The following KCNIP4 variants were observed in gnomAD, a reference collection of about 807,000 sequenced individuals.
KCNIP4 encodes the protein potassium voltage-gated channel interacting protein 4.
KCNIP4 carries 12 observed loss-of-function variants against 34.0 expected under a neutral mutation model. The observed-to-expected ratio is 0.35, with a 90% CI of 0.23 to 0.57. The LOEUF (loss-of-function observed/expected upper bound fraction) is 0.57, where lower values mean the gene tolerates loss of function less well. Among genes scored for constraint, KCNIP4 ranks in the 20% least tolerant of loss-of-function variants. KCNIP4 has a pLI of 0.83. For synonymous variants in KCNIP4, 124 were observed against 102.2 expected (o/e 1.21, Z -1.29); for missense variants, 238 against 311.7 (o/e 0.76, Z 1.78).
intron 1 of KCNIP4, among the ~76,000 whole-genome samples, chr4:21,237,524 G>A (rs909237224): frequency 1.3e-4 from 19 of 151,924 alleles, no homozygotes; most frequent in African/African-American, 4.4e-4. Context: ...TCAAATACAC[G>A]CAATAAAAAA....
At chr4:21,612,589 C>T (rs997180379) in intron 1 of KCNIP4, among the ~76,000 whole-genome samples, 6 of 152,234 alleles carry the variant, frequency 3.9e-5, no homozygotes, top group African/African-American at 1.4e-4. Flanking sequence ...AACAATTAAG[C>T]CACATTGGCA....
chr4:21,711,833 G>A (rs1039465328), intron 1 of KCNIP4, among the ~76,000 whole-genome samples: 2 of 152,188 alleles, frequency 1.3e-5, no homozygotes, highest in Admixed American at 1.3e-4. Context: ...GCACCAGGAT[G>A]AGAAATTCTC....
chr4:21,624,317 G>GT (rs1443532944), intron 1 of KCNIP4, among the ~76,000 whole-genome samples: 2 of 152,110 alleles, frequency 1.3e-5, no homozygotes, highest in Admixed American at 6.6e-5. Flanking sequence ...TGTAACTATT[G>GT]TTTTTTCCAT....
chr4:21,677,804 C>T (rs539410299), intron 1 of KCNIP4, among the ~76,000 whole-genome samples: 2 of 152,322 alleles, frequency 1.3e-5, no homozygotes, highest in South Asian at 2.1e-4. Context: ...GGCTGGAGTG[C>T]AGCGGCACGA....
chr4:21,407,414 T>C (rs955265590), intron 1 of KCNIP4, among the ~76,000 whole-genome samples: 3 of 152,186 alleles, frequency 2.0e-5, no homozygotes, highest in Non-Finnish European at 4.4e-5. Flanking sequence ...TTGCTAGTCT[T>C]TTCCAAGGGA....
chr4:21,804,447 G>A (rs1362586349), intron 1 of KCNIP4, among the ~76,000 whole-genome samples: 2 of 152,166 alleles, frequency 1.3e-5, no homozygotes, highest in Non-Finnish European at 2.9e-5. Flanking sequence ...AGCCAGCTCA[G>A]TTGACCACAG....
intron 1 of KCNIP4, among the ~76,000 whole-genome samples, chr4:21,842,663 A>G (rs1190262642): frequency 3.3e-5 from 5 of 152,124 alleles, no homozygotes; most frequent in African/African-American, 9.6e-5. Context: ...TGCCATTTCA[A>G]TCTGGCACAT....
intron 1 of KCNIP4, among the ~76,000 whole-genome samples, chr4:21,798,554 G>GAGAAAGAAAA (rs1720783984): frequency 9.1e-6 from 1 of 109,734 alleles, no homozygotes; most frequent in Non-Finnish European, 2.1e-5. Flanking sequence ...GAGAGAAAGA[G>GAGAAAGAAAA]AGAAAGAAAA....
At position 20,835,035 on chromosome 4, in the gene KCNIP4, T is replaced by TC. The variant is rs142194998; in HGVS notation, c.288+15507dup. On this transcript the variant is annotated intron_variant, in intron 3 of 8. Transcript: ENST00000382152. ...GCTTCCCTAGATTCTTTTAGGAACT[T>TC]CTTTTTTTTCTCCTGTTAGATCAAG... Among the ~76,000 whole-genome samples, 287 of 152,312 alleles carry TC rather than the reference T, an allele frequency of 1.9e-3. 4 individuals are homozygous for TC. The East Asian group carries it at 0.042, about 23-fold the overall frequency.
intron 1 of KCNIP4, among the ~76,000 whole-genome samples, chr4:21,708,727 G>T (rs1560649950): frequency 1.3e-5 from 2 of 152,084 alleles, no homozygotes; most frequent in African/African-American, 2.4e-5. Flanking sequence ...GCAATCAATA[G>T]GCAGCTTTAA....
chr4:21,136,427 T>C (rs559248729), intron 1 of KCNIP4, among the ~76,000 whole-genome samples: 1 of 152,330 alleles, frequency 6.6e-6, no homozygotes, highest in African/African-American at 2.4e-5. Flanking sequence ...CACTAAAATA[T>C]GATCTGACTC....
intron 1 of KCNIP4, among the ~76,000 whole-genome samples, chr4:21,191,147 G>A (rs374189983): frequency 1.3e-5 from 2 of 152,152 alleles, no homozygotes; most frequent in African/African-American, 4.8e-5. Context: ...AGTAAGCACA[G>A]AGATATTCTC....
intron 1 of KCNIP4, among the ~76,000 whole-genome samples, chr4:20,938,148 T>A (rs1196714243): frequency 6.6e-6 from 1 of 152,070 alleles, no homozygotes; most frequent in Admixed American, 6.6e-5. Flanking sequence ...GAGCTCTTGA[T>A]GTGCTTACGT....
At chr4:20,824,988 G>C (rs1717556360) in intron 3 of KCNIP4, among the ~76,000 whole-genome samples, 1 of 152,068 alleles carries the variant, frequency 6.6e-6, no homozygotes, top group African/African-American at 2.4e-5. Context: ...GGAAATTTTA[G>C]TGTGTTTTAA....
intron 1 of KCNIP4, among the ~76,000 whole-genome samples, chr4:21,110,587 A>T (rs1749075345): frequency 6.6e-6 from 1 of 152,122 alleles, no homozygotes; most frequent in Admixed American, 6.5e-5. Flanking sequence ...CTATAAATGG[A>T]ATGTTTGTAT....
intron 1 of KCNIP4, among the ~76,000 whole-genome samples, chr4:21,565,896 A>C (rs1414771970): frequency 1.3e-5 from 2 of 152,144 alleles, no homozygotes; most frequent in African/African-American, 4.8e-5. Context: ...AAAGCTTTAA[A>C]GAGAAGTGAT....
intron 1 of KCNIP4, among the ~76,000 whole-genome samples, chr4:21,468,655 C>A (rs2109798160): frequency 6.6e-6 from 1 of 152,238 alleles, no homozygotes; most frequent in South Asian, 2.1e-4. Context: ...AGAAAAAAAT[C>A]TAAGACAAGC....
intron 1 of KCNIP4, among the ~76,000 whole-genome samples, chr4:21,540,303 G>T (rs556609398): frequency 6.6e-6 from 1 of 152,212 alleles, no homozygotes; most frequent in African/African-American, 2.4e-5. Flanking sequence ...ACAATTTATA[G>T]TATACGGTCA....
rs993156966 is a variant in KCNIP4 at position 21,834,276 on chromosome 4, C to T, written c.61+114295G>A. On this transcript the variant is annotated intron_variant, in intron 1 of 8. Coordinates refer to ENST00000382152, the MANE Select transcript of KCNIP4 (RefSeq NM_025221.6). ...ATCCTCTTTTATTTCCTTGAGCAGT[C>T]GTCTGTAGTTCTCCTTGAAGAGGTC... Among the ~76,000 whole-genome samples, 204 of 152,172 alleles carry T rather than the reference C, an allele frequency of 1.3e-3. 1 individual carries two copies. The highest frequency in any genetic ancestry group is 4.9e-3 in the African/African-American group (202 of 41,528).
Sources: allele counts gnomAD v4.1 joint callset (sites outside exome capture counted in the v4.1 genomes callset), GRCh38; gene constraint gnomAD v4.1.1; transcripts MANE v1.5; gene names NCBI Gene and HGNC (gene_info 2026-07-23, HGNC 2026-07-21).